Variants in PRKCH observed in about 807,000 individuals in gnomAD.
PRKCH encodes protein kinase C eta type.
A neutral mutation model predicts 82.5 loss-of-function variants in PRKCH; 28 were observed. The observed-to-expected ratio is 0.34, with a 90% confidence interval of 0.25 to 0.47. PRKCH has a LOEUF of 0.47. Among genes scored for constraint, PRKCH ranks in the 20% least tolerant of loss-of-function variants. The pLI is 1.00. For synonymous variants in PRKCH, 322 were observed against 327.4 expected (o/e 0.98, Z 0.18); for missense variants, 705 against 881.8 (o/e 0.80, Z 2.54).
At chr14:61,437,310 T>TG (rs1883725929) in intron 2 of PRKCH, among the ~76,000 whole-genome samples, 1 of 152,226 alleles carries the variant, frequency 6.6e-6, no homozygotes, top group African/African-American at 2.4e-5. Context: ...AAAATTCTGT[T>TG]GCTACCTTAC....
intron 1 of PRKCH, among the ~76,000 whole-genome samples, chr14:61,224,518 T>G (rs1325178401): frequency 6.6e-6 from 1 of 152,216 alleles, no homozygotes; most frequent in East Asian, 1.9e-4. Context: ...TTGCCTGGTT[T>G]TGATGACCTT....
chr14:61,255,533 A>T (rs969113923), intron 1 of PRKCH, among the ~76,000 whole-genome samples: 1 of 152,028 alleles, frequency 6.6e-6, no homozygotes, highest in Non-Finnish European at 1.5e-5. Context: ...TTATTATCTT[A>T]AAAAAAAGAC....
chr14:61,219,369 C>T (rs1417826586), intron 1 of PRKCH, among the ~76,000 whole-genome samples: 1 of 152,152 alleles, frequency 6.6e-6, no homozygotes, highest in Non-Finnish European at 1.5e-5. Context: ...AGTGAAAGAG[C>T]CATTCTGTTC....
At chr14:61,289,816 G>C (rs1003647258) in intron 1 of PRKCH, among the ~76,000 whole-genome samples, 19 of 152,200 alleles carry the variant, frequency 1.2e-4, no homozygotes, top group Non-Finnish European at 2.2e-4. Flanking sequence ...AAATAGAATG[G>C]AGCTGAGTGA....
In PRKCH at chr14:61,413,413, C is replaced by T. The variant is rs10151940; in HGVS notation, c.427+22125C>T. On this transcript the variant is annotated intron_variant, in intron 2 of 13. Transcript: ENST00000332981. ...CATTTCTTTTTAAGCGCCCCCCCCCCGCCCCGCCCATGTACCCTGTGCCTA... is the reference window on the plus strand; with the variant it reads ...CATTTCTTTTTAAGCGCCCCCCCCCTGCCCCGCCCATGTACCCTGTGCCTA... Among the ~76,000 whole-genome samples the T allele has an allele frequency of 2.7e-3, 164 of 60,640 alleles. 8 individuals carry two copies. The highest frequency in any genetic ancestry group is 7.7e-3 in the African/African-American group (151 of 19,562). The allele number at this position is 60,640 out of a possible 152,430, so 39.8% of individuals were successfully genotyped here. A position where few individuals can be genotyped will look rare whatever the true frequency, so the allele number is the denominator to read the frequency against.
Position 61,370,563 on chromosome 14 carries a change from G to A in PRKCH, c.364-20662G>A, listed in dbSNP as rs187518487. Among the ~76,000 whole-genome samples the A allele has an allele frequency of 2.6e-5, 4 of 152,200 alleles. No individual in the cohort carries two copies. In the East Asian group the frequency reaches 5.8e-4, roughly 22 times the overall value. On this transcript the variant is annotated intron_variant, in intron 1 of 13. Coordinates refer to ENST00000332981, the MANE Select transcript of PRKCH (RefSeq NM_006255.5). ...CAAATCTTTGTATCCATTTTTGGAT[G>A]AGGAGTTCCTGTTCAGATTTTCTGC... is the stretch of plus-strand genomic sequence containing the variant.
chr14:61,400,431 T>A (rs1881547143), intron 2 of PRKCH, among the ~76,000 whole-genome samples: 1 of 152,176 alleles, frequency 6.6e-6, no homozygotes, highest in African/African-American at 2.4e-5. Flanking sequence ...ACCACTTTAG[T>A]TTTTGTGTTT....
At chr14:61,375,536 G>T (rs906334571) in intron 1 of PRKCH, among the ~76,000 whole-genome samples, 1 of 152,002 alleles carries the variant, frequency 6.6e-6, no homozygotes, top group African/African-American at 2.4e-5. Context: ...TCAGATTTCT[G>T]CAGGCTGTAC....
At chr14:61,252,153 A>G (rs1218243321) in intron 1 of PRKCH, among the ~76,000 whole-genome samples, 2 of 151,978 alleles carry the variant, frequency 1.3e-5, no homozygotes, top group Non-Finnish European at 2.9e-5. Context: ...TCTTATTTTT[A>G]ACATGTCTTT....
At chr14:61,510,209 G>T (rs1484932898) in intron 10 of PRKCH, among the ~76,000 whole-genome samples, 1 of 152,178 alleles carries the variant, frequency 6.6e-6, no homozygotes, top group Non-Finnish European at 1.5e-5. Context: ...TGAATGTTGG[G>T]CTAGGAAGTG....
chr14:61,522,573 G>C (rs1454405375), intron 10 of PRKCH, among the ~76,000 whole-genome samples: 1 of 152,130 alleles, frequency 6.6e-6, no homozygotes, highest in East Asian at 1.9e-4. Context: ...CTCTTCACTT[G>C]GTTAATAATC....
At position 61,524,238 on chromosome 14, in the gene PRKCH, C is replaced by T. The variant is rs922409772; in HGVS notation, c.1434-4837C>T. 7.2e-5 allele frequency among the ~76,000 whole-genome samples: 11 copies of T among 152,214 alleles called. 1 individual carries two copies. The highest frequency in any genetic ancestry group is 1.0e-4 in the Non-Finnish European group (7 of 68,042). On this transcript the variant is annotated intron_variant, in intron 10 of 13. Coordinates refer to ENST00000332981, the MANE Select transcript of PRKCH (RefSeq NM_006255.5). ...CAAAATAAATCCAATTTCTGAATCT[C>T]CTTTGTCTTCAATCACTTGGGAATT...
At chr14:61,496,789 C>G (rs1748865932) in intron 10 of PRKCH, among the ~76,000 whole-genome samples, 1 of 152,122 alleles carries the variant, frequency 6.6e-6, no homozygotes, top group South Asian at 2.1e-4. Context: ...TTTAAGATGA[C>G]AGGTCAGGGC....
chr14:61,375,239 C>G (rs1004044795), intron 1 of PRKCH, among the ~76,000 whole-genome samples: 1 of 152,094 alleles, frequency 6.6e-6, no homozygotes, highest in Non-Finnish European at 1.5e-5. Context: ...TCTGAGACCA[C>G]CTCAGCTTGG....
chr14:61,317,388 A>G (rs147169973), upstream of PRKCH, among the ~76,000 whole-genome samples: 465 of 152,310 alleles, frequency 3.1e-3, 1 homozygote, highest in African/African-American at 0.01. Flanking sequence ...AAACTGTTGA[A>G]AGATTACTAA....
At chr14:61,301,519 T>A (rs1469299384) in intron 1 of PRKCH, among the ~76,000 whole-genome samples, 1 of 152,240 alleles carries the variant, frequency 6.6e-6, no homozygotes. Flanking sequence ...GCAACTTATA[T>A]GCTCAAGGTA....
At chr14:61,391,021 G>A (rs2046670998) in intron 1 of PRKCH, among the ~76,000 whole-genome samples, 1 of 152,174 alleles carries the variant, frequency 6.6e-6, no homozygotes. Context: ...GAAGGAAACT[G>A]ATAAAATGTG....
chr14:61,450,675 C>G (rs1022246606), intron 5 of PRKCH, among the ~76,000 whole-genome samples, 167 bp from the exon 6 acceptor site: 9 of 152,124 alleles, frequency 5.9e-5, no homozygotes, highest in Non-Finnish European at 7.4e-5. Flanking sequence ...TGTGTTTAGT[C>G]TGGTTCGTAA....
intron 10 of PRKCH, among the ~76,000 whole-genome samples, chr14:61,508,898 G>GT (rs1304208945): frequency 6.6e-6 from 1 of 152,076 alleles, no homozygotes; most frequent in Non-Finnish European, 1.5e-5. Flanking sequence ...CTAGAGTCAA[G>GT]TTTTTTTCTG....
Sources: gnomAD v4.1 joint callset for allele counts (sites outside exome capture counted in the v4.1 genomes callset) on GRCh38, gnomAD v4.1.1 for gene constraint, MANE v1.5 for transcripts, NCBI Gene and HGNC (gene_info 2026-07-23, HGNC 2026-07-21) for gene names.